EP300: variants seen among roughly 807,000 people sequenced by gnomAD.
EP300 encodes histone acetyltransferase p300.
In EP300, 31 loss-of-function variants were observed where a neutral mutation model predicts 264.0. The ratio of observed to expected loss-of-function variants is 0.12; its 90% CI spans 0.09 to 0.16. The LOEUF is 0.16. EP300 is among the 10% of genes least tolerant of loss of function. The probability of loss-of-function intolerance (pLI) is 1.00; values close to 1 mark genes in which losing one functional copy is unlikely to be tolerated. For synonymous variants in EP300, 1,340 were observed against 1,045.4 expected, an observed-to-expected ratio of 1.28 and a Z score of -5.44; for missense variants, 2,766 against 3,052.9, an observed-to-expected ratio of 0.91 and a Z score of 2.21.
chr22:41,164,572 C>G (rs770258668), intron 22 of EP300, among the ~76,000 whole-genome samples: 31 of 152,036 alleles, frequency 2.0e-4, no homozygotes, highest in South Asian at 6.2e-4. Context: ...ATTAGCCTGG[C>G]GTGGTGGTGC....
At chr22:41,119,176 T>TTATTA (rs1483524084) in intron 2 of EP300, among the ~76,000 whole-genome samples, 76 of 105,418 alleles carry the variant, frequency 7.2e-4, no homozygotes, top group African/African-American at 4.0e-3. Flanking sequence ...CTTATTATTA[T>TTATTA]TTTTTTTTTT....
Position 41,093,087 on chromosome 22 carries a change from G to T in EP300, c.83G>T (p.Ser28Ile), listed in dbSNP as rs1382860268. The T allele has an allele frequency of 1.2e-6, 2 of 1,614,140 alleles. No individual in the cohort carries two copies. The highest frequency in any genetic ancestry group is 1.1e-5 in the South Asian group (1 of 91,082). Residue 28 changes from serine (S) to isoleucine (I), a missense_variant, in exon 1 of 31, where the codon AGC becomes ATC. Coordinates refer to ENST00000263253, the MANE Select transcript of EP300 (RefSeq NM_001429.4). ...TCTCCGGCCCTCTCGGCGTCCGCCA[G>T]CGATGGCACAGGTTAGTTTCGGCAG... ...LSSPALSASASDGTDFGSLFD... is the reference protein window; with the variant it reads ...LSSPALSASAIDGTDFGSLFD...
chr22:41,148,814 A>T, intron 12 of EP300: 1 of 584,626 alleles, frequency 1.7e-6, no homozygotes, highest in Non-Finnish European at 3.0e-6. Context: ...TATTTCTTGG[A>T]GTAGGCCTAG....
At chr22:41,104,577 A>G (rs1381693227) in intron 1 of EP300, among the ~76,000 whole-genome samples, 8 of 152,080 alleles carry the variant, frequency 5.3e-5, no homozygotes, top group Non-Finnish European at 1.2e-4. Context: ...GGCGTGAGCC[A>G]CCATGTCCGG....
Position 41,179,066 on chromosome 22 carries a change from TG to T in EP300, c.*112del. The T allele has an allele frequency of 3.0e-6, 4 of 1,345,746 alleles. No individual in the cohort carries two copies. Among genetic ancestry groups the T allele is most frequent in the African/African-American group, 1.4e-5 (1 of 69,230 alleles). The allele number at this position is 1,345,746 out of a possible 1,614,324, so 83.4% of individuals were successfully genotyped here. Reference sequence around the variant, plus strand: ...TCGTAGCCTAAAAGACAATTTTCCTTGGAACACATAAGAACTGTGCAGTAGC... The same window carrying T: ...TCGTAGCCTAAAAGACAATTTTCCTTGAACACATAAGAACTGTGCAGTAGC... On this transcript the variant is annotated 3_prime_UTR_variant, in exon 31 of 31. Coordinates refer to ENST00000263253, the MANE Select transcript of EP300 (RefSeq NM_001429.4).
At chr22:41,127,852 C>G in intron 4 of EP300, 104 bp downstream of exon 4, 1 of 1,426,480 alleles carries the variant, frequency 7.0e-7, no homozygotes, top group Non-Finnish European at 9.7e-7. Flanking sequence ...TGTTTAATAC[C>G]TTAATTGTGG....
At chr22:41,155,244 C>A in intron 17 of EP300, 131 bp downstream of exon 17, 1 of 819,700 alleles carries the variant, frequency 1.2e-6, no homozygotes, top group Non-Finnish European at 2.1e-6. Context: ...TTTTTTCCCC[C>A]TGAGACAGGG....
At chr22:41,144,462 T>C (rs2058999809) in intron 10 of EP300, among the ~76,000 whole-genome samples, 1 of 151,802 alleles carries the variant, frequency 6.6e-6, no homozygotes, top group Non-Finnish European at 1.5e-5. Context: ...CAAGCAATCC[T>C]CCCACTTCAG....
At chr22:41,138,545 A>G (rs2058964950) in intron 8 of EP300, among the ~76,000 whole-genome samples, 1 of 152,074 alleles carries the variant, frequency 6.6e-6, no homozygotes, top group African/African-American at 2.4e-5. Context: ...ATGGCAGTTT[A>G]TTTTTGAGAA....
rs544328169 is a variant in EP300, at chr22:41,149,693, A to G, written c.2380-68A>G. 4.9e-5 allele frequency: 73 copies of G among 1,491,760 alleles called. No individual in the cohort carries two copies. The South Asian group carries it at 7.6e-4, about 16-fold the overall frequency. The allele number at this position is 1,491,760 out of a possible 1,614,324, so 92.4% of individuals were successfully genotyped here. A position where few individuals can be genotyped will look rare whatever the true frequency, so the allele number is the denominator to read the frequency against. On this transcript the variant is annotated intron_variant, in intron 13 of 30. Coordinates refer to ENST00000263253, the MANE Select transcript of EP300 (RefSeq NM_001429.4). ...AGTTTGTGTCCTAAATTTATATATC[A>G]TGCCTATGTAAGTATTTCCTTAATT...
chr22:41,149,888 C>T lies in EP300; in HGVS notation c.2507C>T (p.Pro836Leu), dbSNP rs1192330545. 1.9e-6 allele frequency: 3 copies of T among 1,614,044 alleles called. No homozygotes were observed. Among genetic ancestry groups the T allele is most frequent in the Non-Finnish European group, 2.5e-6 (3 of 1,179,994 alleles). ...ALHQNSPSPV[P>L]SRTPTPHHTP... ...CATCAGAATTCACCCTCGCCTGTAC[C>T]TAGTCGTACCCCCACCCCTCACCAT... The change falls in exon 14 of 31, where the codon CCT (proline) becomes CTT (leucine). Residue 836 changes from proline (P) to leucine (L), a missense_variant. Transcript: ENST00000263253.
intron 10 of EP300, among the ~76,000 whole-genome samples, chr22:41,142,118 G>GT (rs1246529762): frequency 6.6e-6 from 1 of 152,228 alleles, no homozygotes; most frequent in African/African-American, 2.4e-5. Context: ...GATCAAAGTA[G>GT]TGAAATATGG....
At chr22:41,142,686 C>T (rs2058989707) in intron 10 of EP300, among the ~76,000 whole-genome samples, 2 of 151,918 alleles carry the variant, frequency 1.3e-5, no homozygotes, top group African/African-American at 2.4e-5. Flanking sequence ...GAGATGGAGA[C>T]CATCCTGGCT....
intron 21 of EP300, 122 bp from the exon 22 acceptor site, chr22:41,163,931 A>G: frequency 1.1e-6 from 1 of 930,584 alleles, no homozygotes; most frequent in East Asian, 2.4e-5. Context: ...AACTTTATTA[A>G]AACTATTTTC....
chr22:41,101,218 G>A (rs1439188374), intron 1 of EP300, among the ~76,000 whole-genome samples: 4 of 151,942 alleles, frequency 2.6e-5, no homozygotes, highest in African/African-American at 9.7e-5. Flanking sequence ...GGGATTACAG[G>A]CACCTGCTAC....
chr22:41,093,101 T>G lies in EP300; in HGVS notation c.94+3T>G, dbSNP rs765723187. 5 of 1,614,002 alleles carry G rather than the reference T, an allele frequency of 3.1e-6. No individual in the cohort carries two copies. Among genetic ancestry groups the G allele is most frequent in the South Asian group, 1.1e-5 (1 of 91,080 alleles). Reference sequence around the variant, plus strand: ...GGCGTCCGCCAGCGATGGCACAGGTTAGTTTCGGCAGCCCCGGCCTTCCAC... The same window carrying G: ...GGCGTCCGCCAGCGATGGCACAGGTGAGTTTCGGCAGCCCCGGCCTTCCAC... On this transcript the variant is annotated splice_donor_region_variant and intron_variant, in intron 1 of 30. Transcript: ENST00000263253.
intron 1 of EP300, among the ~76,000 whole-genome samples, chr22:41,114,672 A>G (rs150913873): frequency 8.8e-4 from 134 of 152,334 alleles, no homozygotes; most frequent in African/African-American, 3.2e-3. Flanking sequence ...GAGCTGGTAT[A>G]TAAGTGGTAA....
intron 1 of EP300, among the ~76,000 whole-genome samples, chr22:41,111,065 A>G (rs2058787625): frequency 6.6e-6 from 1 of 151,916 alleles, no homozygotes; most frequent in Non-Finnish European, 1.5e-5. Flanking sequence ...TCCTGGATGC[A>G]AGCGATTCTC....
chr22:41,097,766 A>G (rs1041813980), intron 1 of EP300, among the ~76,000 whole-genome samples: 1 of 152,032 alleles, frequency 6.6e-6, no homozygotes. Context: ...GGCAAATGAA[A>G]CCAATTATAC....
Sources: gnomAD v4.1 joint callset for allele counts (sites outside exome capture counted in the v4.1 genomes callset) on GRCh38, gnomAD v4.1.1 for gene constraint, MANE v1.5 for transcripts, NCBI Gene and HGNC (gene_info 2026-07-23, HGNC 2026-07-21) for gene names.